Variants in HCRTR2 observed in about 807,000 individuals in gnomAD.
The protein encoded by HCRTR2 is hypocretin receptor 2.
HCRTR2 carries 22 observed loss-of-function variants against 49.0 expected under a neutral mutation model. The observed-to-expected ratio is 0.45, with a 90% CI of 0.32 to 0.64. HCRTR2 has a LOEUF of 0.64. HCRTR2 is among the 30% of genes least tolerant of loss of function. HCRTR2 has a pLI of 0.04. For missense variants in HCRTR2, 491 were observed against 559.4 expected (o/e 0.88, Z 1.23); for synonymous variants, 236 against 205.3 (o/e 1.15, Z -1.28).
intron 6 of HCRTR2, among the ~76,000 whole-genome samples, chr6:55,280,917 CA>C (rs1430920108): frequency 6.6e-6 from 1 of 151,972 alleles, no homozygotes; most frequent in East Asian, 1.9e-4. Flanking sequence ...CACTGACTAC[CA>C]AAAATAGTAT....
chr6:55,185,119 T>C (rs745386002), intron 1 of HCRTR2, among the ~76,000 whole-genome samples: 67 of 152,206 alleles, frequency 4.4e-4, no homozygotes, highest in Non-Finnish European at 8.2e-4. Flanking sequence ...TTATTAAAAA[T>C]AGATAAAAAC....
rs200241651 is a variant in HCRTR2 at position 55,248,676 on chromosome 6, G to A, written c.261G>A (p.Thr87=). The A allele has an allele frequency of 1.1e-5, 17 of 1,613,350 alleles. No homozygotes were observed. The highest frequency in any genetic ancestry group is 6.6e-5 in the South Asian group (6 of 91,070). ...TGTGGAAGAACCACCACATGAGGAC[G>A]GTAACCAACTACTTCATAGTCAATC... is the stretch of plus-strand genomic sequence containing the variant. ...VAVWKNHHMR[T]VTNYFIVNLS... is the part of the protein sequence containing the mutation. Residue 87 remains threonine, a synonymous_variant, in exon 2 of 7, where the codon ACG becomes ACA. Coordinates refer to ENST00000370862, the MANE Select transcript of HCRTR2 (RefSeq NM_001384272.1).
intron 1 of HCRTR2, among the ~76,000 whole-genome samples, chr6:55,112,604 C>A (rs1198558342): frequency 1.3e-5 from 2 of 149,206 alleles, no homozygotes; most frequent in Admixed American, 6.7e-5. Flanking sequence ...TGAAATACTT[C>A]TACAAGGAAA....
At chr6:55,229,121 A>C (rs1171633741) in intron 1 of HCRTR2, among the ~76,000 whole-genome samples, 3 of 152,216 alleles carry the variant, frequency 2.0e-5, no homozygotes, top group African/African-American at 7.2e-5. Context: ...CAAAGATGAC[A>C]AATGCTAGCA....
intron 1 of HCRTR2, among the ~76,000 whole-genome samples, chr6:55,232,880 G>A (rs185558951): frequency 1.3e-5 from 2 of 152,196 alleles, no homozygotes; most frequent in African/African-American, 4.8e-5. Context: ...TTTTAACTCC[G>A]AAGTGCATAA....
chr6:55,170,175 A>G (rs1764928329), upstream of HCRTR2, among the ~76,000 whole-genome samples: 1 of 151,374 alleles, frequency 6.6e-6, no homozygotes, highest in South Asian at 2.1e-4. Context: ...ATTATTCTGA[A>G]TGTTGTGAGC....
chr6:55,109,835 G>C (rs538463606), intron 1 of HCRTR2, among the ~76,000 whole-genome samples: 224 of 152,254 alleles, frequency 1.5e-3, no homozygotes, highest in Non-Finnish European at 2.5e-3. Context: ...GGAGGTGCTA[G>C]AGACCTAAAC....
chr6:55,197,121 C>T (rs1402836809), intron 1 of HCRTR2, among the ~76,000 whole-genome samples: 6 of 152,138 alleles, frequency 3.9e-5, no homozygotes, highest in Non-Finnish European at 5.9e-5. Flanking sequence ...TAACTCTAAA[C>T]GTAATCCTAA....
upstream of HCRTR2, among the ~76,000 whole-genome samples, chr6:55,169,546 C>A (rs1005392548): frequency 4.0e-5 from 6 of 151,514 alleles, no homozygotes; most frequent in African/African-American, 1.5e-4. Context: ...TCTAGACCCC[C>A]TGTGATTTGA....
intron 2 of HCRTR2, among the ~76,000 whole-genome samples, chr6:55,249,726 G>T (rs548652325): frequency 6.6e-6 from 1 of 152,136 alleles, no homozygotes; most frequent in East Asian, 1.9e-4. Flanking sequence ...TGTTCTGATT[G>T]TTATTATAGC....
chr6:55,146,999 C>T (rs923961120), intron 1 of HCRTR2, among the ~76,000 whole-genome samples: 1 of 152,212 alleles, frequency 6.6e-6, no homozygotes, highest in East Asian at 1.9e-4. Context: ...GTATGGGATG[C>T]TACCTAAGCA....
intron 1 of HCRTR2, among the ~76,000 whole-genome samples, chr6:55,153,401 C>G (rs2127258966): frequency 1.3e-5 from 2 of 152,126 alleles, no homozygotes; most frequent in South Asian, 4.1e-4. Flanking sequence ...TAGCATATTA[C>G]TGGATACTGA....
At chr6:55,148,348 G>A (rs1482382001) in intron 1 of HCRTR2, among the ~76,000 whole-genome samples, 1 of 151,936 alleles carries the variant, frequency 6.6e-6, no homozygotes, top group Non-Finnish European at 1.5e-5. Flanking sequence ...GGTCTGTTTT[G>A]GTAAACAGCA....
chr6:55,253,677 C>T (rs1766595349), intron 2 of HCRTR2, among the ~76,000 whole-genome samples: 2 of 152,098 alleles, frequency 1.3e-5, no homozygotes, highest in Non-Finnish European at 2.9e-5. Context: ...TACATATACA[C>T]CATGGAATAC....
Position 55,277,537 on chromosome 6 carries a change from T to C in HCRTR2, c.920T>C (p.Met307Thr). The change falls in exon 5 of 7, where the codon ATG becomes ACG. Residue 307 changes from methionine (M) to threonine (T), a missense_variant. Physicochemically the swap from Met to Thr is moderately conservative, Grantham distance 81 (BLOSUM62 -1). Coordinates refer to ENST00000370862, the MANE Select transcript of HCRTR2 (RefSeq NM_001384272.1). ...AGAAGGAAAACAGCCCGGATGTTGA[T>C]GATTGTGCTTTTGGTATTTGCAATT... Reference protein sequence around the residue: ...RARRKTARMLMIVLLVFAICY... With the variant: ...RARRKTARMLTIVLLVFAICY... 6.2e-7 allele frequency: 1 copy of C among 1,614,136 alleles called. No individual in the cohort carries two copies. The highest frequency in any genetic ancestry group is 8.5e-7 in the Non-Finnish European group (1 of 1,180,000).
At chr6:55,159,623 C>G (rs900415362) in intron 1 of HCRTR2, among the ~76,000 whole-genome samples, 1 of 152,106 alleles carries the variant, frequency 6.6e-6, no homozygotes, top group African/African-American at 2.4e-5. Context: ...CTAGAATAAC[C>G]AGTTTAGAGA....
At chr6:55,148,379 C>T (rs572216951) in intron 1 of HCRTR2, among the ~76,000 whole-genome samples, 3 of 151,994 alleles carry the variant, frequency 2.0e-5, no homozygotes, top group Non-Finnish European at 4.4e-5. Flanking sequence ...AAACTCAGTT[C>T]CTCCCACATT....
In HCRTR2 at chr6:55,231,747, A is replaced by G. The variant is rs143505663; in HGVS notation, c.224-16892A>G. Among the ~76,000 whole-genome samples, 176 of 152,318 alleles carry G rather than the reference A, an allele frequency of 1.2e-3. 1 individual carries two copies. Among genetic ancestry groups the G allele is most frequent in the African/African-American group, 4.1e-3 (170 of 41,592 alleles). On this transcript the variant is annotated intron_variant, in intron 1 of 6. Coordinates refer to ENST00000370862, the MANE Select transcript of HCRTR2 (RefSeq NM_001384272.1). The stretch of plus-strand genomic sequence containing the variant: ...TTAAATAACAAACTAAAGACTAGCG[A>G]ATATGAGCTATTTTGTTTGACGTGC...
At chr6:55,138,653 T>A (rs1242042683) in intron 1 of HCRTR2, among the ~76,000 whole-genome samples, 1 of 152,186 alleles carries the variant, frequency 6.6e-6, no homozygotes, top group Admixed American at 6.6e-5. Context: ...AGAGCCAGAA[T>A]TTTTACTGTG....
Sources: allele counts gnomAD v4.1 joint callset (sites outside exome capture counted in the v4.1 genomes callset), GRCh38; gene constraint gnomAD v4.1.1; transcripts MANE v1.5; gene names NCBI Gene and HGNC (gene_info 2026-07-23, HGNC 2026-07-21).